PDE1C: variants seen among roughly 807,000 people sequenced by gnomAD.
PDE1C encodes phosphodiesterase 1C, also known as dual specificity calcium/calmodulin-dependent 3',5'-cyclic nucleotide phosphodiesterase 1C.
Under a neutral mutation model 93.1 loss-of-function variants are expected in PDE1C, and 62 were observed. That is an observed-to-expected ratio of 0.67 (90% CI 0.54 to 0.82). PDE1C has a LOEUF of 0.82. Ranked by LOEUF, PDE1C falls within the 40% of genes least tolerant of loss-of-function variation. The pLI, the probability that PDE1C is intolerant of heterozygous loss-of-function variation, is 0.00. For synonymous variants in PDE1C, 325 were observed against 310.1 expected (o/e 1.05, Z -0.50); for missense variants, 742 against 884.6 (o/e 0.84, Z 2.04).
At chr7:31,692,775 C>T in the PDE1C span, among the ~76,000 whole-genome samples, 39 of 152,164 alleles carry the variant, frequency 2.6e-4, no homozygotes, top group South Asian at 1.2e-3. Flanking sequence ...GAGGAAGCAT[C>T]GTCCTCTTTT....
At chr7:32,087,615 T>C (rs1193571362) in intron 3 of PDE1C, among the ~76,000 whole-genome samples, 1 of 152,132 alleles carries the variant, frequency 6.6e-6, no homozygotes, top group Non-Finnish European at 1.5e-5. Flanking sequence ...TGTCCAACCA[T>C]GGTAGACTGG....
At chr7:31,829,184 T>C (rs1232054619) in intron 11 of PDE1C, among the ~76,000 whole-genome samples, 2 of 152,142 alleles carry the variant, frequency 1.3e-5, no homozygotes, top group Non-Finnish European at 2.9e-5. Flanking sequence ...GACTTGTGCT[T>C]GAATCCCTTT....
intron 2 of PDE1C, among the ~76,000 whole-genome samples, chr7:31,899,819 T>A (rs1295619108): frequency 6.6e-6 from 1 of 152,128 alleles, no homozygotes; most frequent in African/African-American, 2.4e-5. Flanking sequence ...CCCATTATAG[T>A]CTCATGGTAA....
rs776330364 is a variant in PDE1C, at chr7:32,399,293, T to C, written c.310+28529A>G. On this transcript the variant is annotated intron_variant, in intron 1 of 1. Coordinates refer to the PDE1C transcript ENST00000672256. ...ACTGGAACAATAGATCCAAATACTTTGTGGGATCCTGTACTGGTCAGACCC... is the reference window on the plus strand; with the variant it reads ...ACTGGAACAATAGATCCAAATACTTCGTGGGATCCTGTACTGGTCAGACCC... 7.2e-5 allele frequency among the ~76,000 whole-genome samples: 11 copies of C among 152,198 alleles called. 1 individual carries two copies. The South Asian group carries it at 1.7e-3, about 23-fold the overall frequency.
At chr7:32,056,315 C>A in intron 1 of PDE1C, among the ~76,000 whole-genome samples, 1 of 128,216 alleles carries the variant, frequency 7.8e-6, no homozygotes, top group South Asian at 2.7e-4. Flanking sequence ...GGAATGGGTC[C>A]ACCGTTCTCT....
intron 8 of PDE1C, 87 bp downstream of exon 8, chr7:31,850,554 A>G: frequency 2.3e-6 from 2 of 881,024 alleles, no homozygotes. Context: ...AACCTATGCA[A>G]AAGAAAGGTG....
chr7:32,097,826 G>A (rs1462823654), intron 3 of PDE1C, among the ~76,000 whole-genome samples: 2 of 152,138 alleles, frequency 1.3e-5, no homozygotes, highest in East Asian at 1.9e-4. Flanking sequence ...TGAGATTAAC[G>A]AAAGTAAGCC....
At position 31,803,399 on chromosome 7, in the gene PDE1C, T is replaced by A. The variant is rs13232442; in HGVS notation, c.1891+5632A>T. Among the ~76,000 whole-genome samples, 223 of 150,170 alleles carry A rather than the reference T, an allele frequency of 1.5e-3. 2 individuals carry two copies. The highest frequency in any genetic ancestry group is 7.0e-3 in the Middle Eastern group (2 of 286). The stretch of plus-strand genomic sequence containing the variant: ...GTTTCAATTGGTTGGGCTTTTTCTT[T>A]TTATTATTATTATTATTATTATACT... On this transcript the variant is annotated intron_variant, in intron 16 of 17. Transcript: ENST00000396191.
At chr7:31,802,805 A>G (rs1786239154) in intron 16 of PDE1C, among the ~76,000 whole-genome samples, 1 of 151,664 alleles carries the variant, frequency 6.6e-6, no homozygotes, top group Non-Finnish European at 1.5e-5. Context: ...GTCTGTACAT[A>G]TGTGTAATTT....
chr7:31,899,124 C>A (rs1481463202), intron 2 of PDE1C, among the ~76,000 whole-genome samples: 2 of 146,110 alleles, frequency 1.4e-5, no homozygotes, highest in Non-Finnish European at 3.0e-5. Flanking sequence ...AGAGCATGGG[C>A]AGTCCCACTT....
At chr7:32,051,378 A>G (rs1388726171) in intron 2 of PDE1C, among the ~76,000 whole-genome samples, 176 bp downstream of exon 2, 1 of 152,152 alleles carries the variant, frequency 6.6e-6, no homozygotes, top group Non-Finnish European at 1.5e-5. Flanking sequence ...GCCTCACTAG[A>G]TGCCTGCAAT....
intron 16 of PDE1C, among the ~76,000 whole-genome samples, chr7:31,797,789 C>T (rs942576670): frequency 3.3e-5 from 5 of 151,554 alleles, no homozygotes; most frequent in African/African-American, 4.8e-5. Context: ...GCAGTATCGT[C>T]AAGATTAAGG....
intron 6 of PDE1C, 132 bp downstream of exon 6, chr7:31,873,160 C>T (rs1321827866): frequency 3.3e-6 from 2 of 613,388 alleles, no homozygotes; most frequent in Non-Finnish European, 5.7e-6. Context: ...CAGTGGCTAT[C>T]CGAAGGATGC....
intron 12 of PDE1C, among the ~76,000 whole-genome samples, chr7:31,826,394 A>T (rs988367976): frequency 6.6e-6 from 1 of 152,208 alleles, no homozygotes; most frequent in African/African-American, 2.4e-5. Flanking sequence ...TATGGTTAAT[A>T]CAGTGTTGTA....
intron 2 of PDE1C, among the ~76,000 whole-genome samples, chr7:31,925,167 C>T (rs1563043028): frequency 6.6e-6 from 1 of 151,198 alleles, no homozygotes; most frequent in Non-Finnish European, 1.5e-5. Flanking sequence ...TGAAGAATTT[C>T]TTTAAACAGA....
intron 2 of PDE1C, among the ~76,000 whole-genome samples, chr7:31,982,778 A>G (rs564752601): frequency 6.6e-6 from 1 of 152,322 alleles, no homozygotes; most frequent in East Asian, 1.9e-4. Flanking sequence ...AAAAAAAATC[A>G]AAATCAAAAG....
intron 2 of PDE1C, among the ~76,000 whole-genome samples, chr7:32,172,176 T>G (rs1474457068): frequency 6.6e-6 from 1 of 152,144 alleles, no homozygotes; most frequent in East Asian, 1.9e-4. Flanking sequence ...TGCCGTTGGC[T>G]TGTTCTGGTT....
At chr7:32,049,671 C>G (rs1584601403) in intron 2 of PDE1C, among the ~76,000 whole-genome samples, 1 of 152,078 alleles carries the variant, frequency 6.6e-6, no homozygotes. Flanking sequence ...AACCTACTGG[C>G]AAATTTTAAT....
the PDE1C span, chr7:31,695,609 C>A: frequency 6.2e-7 from 1 of 1,612,104 alleles, no homozygotes; most frequent in African/African-American, 1.3e-5. Context: ...GCACATCCCA[C>A]CTTTCATACC....
Sources: gnomAD v4.1 joint callset for allele counts (sites outside exome capture counted in the v4.1 genomes callset) on GRCh38, gnomAD v4.1.1 for gene constraint, MANE v1.5 for transcripts, NCBI Gene and HGNC (gene_info 2026-07-23, HGNC 2026-07-21) for gene names.